Variants in LEPROT observed in about 807,000 individuals in gnomAD.
LEPROT encodes leptin receptor overlapping transcript.
LEPROT carries 3 observed loss-of-function variants against 15.4 expected under a neutral mutation model. The ratio of observed to expected loss-of-function variants is 0.19; its 90% CI spans 0.09 to 0.50. The LOEUF (loss-of-function observed/expected upper bound fraction) is 0.50, where lower values mean the gene tolerates loss of function less well. Among genes scored for constraint, LEPROT ranks in the 20% least tolerant of loss-of-function variants. The probability of loss-of-function intolerance (pLI) is 0.97; values close to 1 mark genes in which losing one functional copy is unlikely to be tolerated. For missense variants in LEPROT, 137 were observed against 162.2 expected (o/e 0.84, Z 0.84); for synonymous variants, 59 against 57.5 (o/e 1.03, Z -0.12).
At position 65,434,977 on chromosome 1, in the gene LEPROT, G is replaced by T; in HGVS notation, c.*3058G>T. ...TTCCTTTTGACACCTGCATTGGGCCGACTGCCATTCCCATGACTGCTGCAC... is the reference window on the plus strand; with the variant it reads ...TTCCTTTTGACACCTGCATTGGGCCTACTGCCATTCCCATGACTGCTGCAC... On this transcript the variant is annotated 3_prime_UTR_variant, in exon 4 of 4. Coordinates refer to ENST00000371065, the MANE Select transcript of LEPROT (RefSeq NM_017526.5). The T allele has an allele frequency of 2.0e-6, 2 of 985,490 alleles. No homozygotes were observed. Among genetic ancestry groups the T allele is most frequent in the Non-Finnish European group, 2.4e-6 (2 of 829,992 alleles). The allele number at this position is 985,490 out of a possible 1,614,324, so 61.0% of individuals were successfully genotyped here. A position where few individuals can be genotyped will look rare whatever the true frequency, so the allele number is the denominator to read the frequency against.
intron 1 of LEPROT, 122 bp from the exon 2 acceptor site, chr1:65,425,181 A>T: frequency 1.3e-6 from 1 of 750,258 alleles, no homozygotes; most frequent in Non-Finnish European, 2.3e-6. Context: ...AATTCCAGAA[A>T]ATTTACTCAT....
rs188130792 is a variant in LEPROT, at chr1:65,435,551, G to A, written c.*3632G>A. Reference sequence around the variant, plus strand: ...CCTGGCTAATTTTTTTGTATTTTTAGTAAAGACGGGTTTCATCGTGTTAGC... The same window carrying A: ...CCTGGCTAATTTTTTTGTATTTTTAATAAAGACGGGTTTCATCGTGTTAGC... On this transcript the variant is annotated 3_prime_UTR_variant, in exon 4 of 4. Coordinates refer to ENST00000371065, the MANE Select transcript of LEPROT (RefSeq NM_017526.5). The A allele has an allele frequency of 5.1e-4, 230 of 454,144 alleles. No individual in the cohort carries two copies. The highest frequency in any genetic ancestry group is 6.2e-4 in the Non-Finnish European group (215 of 344,364). The allele number at this position is 454,144 out of a possible 1,614,324, so 28.1% of individuals were successfully genotyped here. A position where few individuals can be genotyped will look rare whatever the true frequency, so the allele number is the denominator to read the frequency against.
intron 2 of LEPROT, among the ~76,000 whole-genome samples, chr1:65,427,300 G>A (rs751479879): frequency 8.5e-5 from 13 of 152,170 alleles, no homozygotes; most frequent in South Asian, 2.1e-4. Flanking sequence ...GAGCCCGGCC[G>A]TGGTGGCTCA....
At chr1:65,422,139 T>A (rs1296492555) in intron 1 of LEPROT, among the ~76,000 whole-genome samples, 1 of 152,242 alleles carries the variant, frequency 6.6e-6, no homozygotes, top group Non-Finnish European at 1.5e-5. Context: ...GAATGTGATC[T>A]TATTTGGAAG....
chr1:65,435,989 CTTG>C lies in LEPROT; in HGVS notation c.*4073_*4075del, dbSNP rs1472523863. 7.1e-6 allele frequency: 7 copies of C among 983,998 alleles called. No homozygotes were observed. The highest frequency in any genetic ancestry group is 1.7e-5 in the African/African-American group (1 of 57,186). 61.0% of individuals were successfully genotyped at this position (983,998 alleles called of 1,614,324 possible). A position where few individuals can be genotyped will look rare whatever the true frequency, so the allele number is the denominator to read the frequency against. ...GAGGACGATTACTTTGTAAATAAAA[CTTG>C]TTATTGACATTTTAACAAAGGCTTT... On this transcript the variant is annotated 3_prime_UTR_variant, in exon 4 of 4. Coordinates refer to ENST00000371065, the MANE Select transcript of LEPROT (RefSeq NM_017526.5).
intron 1 of LEPROT, 115 bp downstream of exon 1, chr1:65,420,855 C>A: frequency 7.7e-7 from 1 of 1,304,412 alleles, no homozygotes; most frequent in Non-Finnish European, 1.1e-6. Flanking sequence ...CCACCCTTCC[C>A]GCCTCTCCGG....
chr1:65,421,923 G>A (rs74081641), intron 1 of LEPROT, among the ~76,000 whole-genome samples: 16,784 of 152,214 alleles, frequency 0.11, 1,018 homozygotes, highest in Non-Finnish European at 0.14. Context: ...TTTACAGATT[G>A]TTCAACTTTT....
At position 65,432,018 on chromosome 1, in the gene LEPROT, G is replaced by T; in HGVS notation, c.*99G>T. 6.8e-7 allele frequency: 1 copy of T among 1,470,370 alleles called. No individual in the cohort carries two copies. Among genetic ancestry groups the T allele is most frequent in the Non-Finnish European group, 9.0e-7 (1 of 1,114,388 alleles). 91.1% of individuals were successfully genotyped at this position (1,470,370 alleles called of 1,614,324 possible). A position where few individuals can be genotyped will look rare whatever the true frequency, so the allele number is the denominator to read the frequency against. ...TTTACTATGAAATTTAATATGCTGG[G>T]TTTTTTAATACCTTTATATATCATG... On this transcript the variant is annotated 3_prime_UTR_variant, in exon 4 of 4. Coordinates refer to ENST00000371065, the MANE Select transcript of LEPROT (RefSeq NM_017526.5).
chr1:65,429,071 C>A (rs1167454287), intron 2 of LEPROT, among the ~76,000 whole-genome samples: 3 of 152,074 alleles, frequency 2.0e-5, no homozygotes, highest in Non-Finnish European at 2.9e-5. Context: ...GGCGTTTGAT[C>A]AAGACTAATC....
In LEPROT at chr1:65,434,310, T is replaced by C; in HGVS notation, c.*2391T>C. The C allele has an allele frequency of 4.1e-6, 4 of 984,756 alleles. No homozygotes were observed. The highest frequency in any genetic ancestry group is 4.8e-6 in the Non-Finnish European group (4 of 829,288). The allele number at this position is 984,756 out of a possible 1,614,324, so 61.0% of individuals were successfully genotyped here. On this transcript the variant is annotated 3_prime_UTR_variant, in exon 4 of 4. Coordinates refer to ENST00000371065, the MANE Select transcript of LEPROT (RefSeq NM_017526.5). Reference sequence around the variant, plus strand: ...CACAAATGTTGGACATTTTTTTCCTTATAAAAGGCTCTTTTTTTATATATT... The same window carrying C: ...CACAAATGTTGGACATTTTTTTCCTCATAAAAGGCTCTTTTTTTATATATT...
chr1:65,430,667 GA>G (rs1350252680), intron 3 of LEPROT, among the ~76,000 whole-genome samples: 1 of 151,752 alleles, frequency 6.6e-6, no homozygotes, highest in Non-Finnish European at 1.5e-5. Flanking sequence ...TTGAGGCATT[GA>G]ATATCAGATA....
At chr1:65,431,718 G>A in intron 3 of LEPROT, 85 bp from the exon 4 acceptor site, 1 of 1,382,276 alleles carries the variant, frequency 7.2e-7, no homozygotes, top group Non-Finnish European at 9.9e-7. Context: ...TTCATTGGAT[G>A]TTTCTAATGC....
At chr1:65,427,622 G>A (rs776162176) in intron 2 of LEPROT, among the ~76,000 whole-genome samples, 16 of 152,076 alleles carry the variant, frequency 1.1e-4, no homozygotes, top group Non-Finnish European at 7.4e-5. Flanking sequence ...ATGTTCTGAC[G>A]CCCTTGACCA....
At chr1:65,430,506 A>G (rs1020975387) in intron 3 of LEPROT, among the ~76,000 whole-genome samples, 4 of 152,216 alleles carry the variant, frequency 2.6e-5, no homozygotes, top group African/African-American at 9.6e-5. Context: ...ATAAGTTGAC[A>G]TCTTCACTTC....
intron 3 of LEPROT, 155 bp downstream of exon 3, chr1:65,430,203 A>G: frequency 3.6e-6 from 2 of 556,652 alleles, no homozygotes; most frequent in Middle Eastern, 2.9e-4. Flanking sequence ...CCTGCCTAAC[A>G]GTAGTTCGGC....
chr1:65,425,581 A>G (rs964738697), intron 2 of LEPROT, among the ~76,000 whole-genome samples: 11 of 152,180 alleles, frequency 7.2e-5, no homozygotes, highest in Admixed American at 2.6e-4. Flanking sequence ...TTCCATAAGC[A>G]TTTGTTTAAC....
At chr1:65,421,396 T>C (rs972124351) in intron 1 of LEPROT, 4 of 1,535,986 alleles carry the variant, frequency 2.6e-6, no homozygotes, top group Non-Finnish European at 2.6e-6. Flanking sequence ...CCGCGTCCCT[T>C]ATCTGTATGG....
intron 2 of LEPROT, among the ~76,000 whole-genome samples, chr1:65,428,196 A>G (rs535964188): frequency 6.6e-6 from 1 of 152,298 alleles, no homozygotes; most frequent in East Asian, 1.9e-4. Context: ...TATATATTTA[A>G]TATTTACATT....
At chr1:65,426,490 GA>G (rs1177075338) in intron 2 of LEPROT, among the ~76,000 whole-genome samples, 1 of 152,100 alleles carries the variant, frequency 6.6e-6, no homozygotes, top group Non-Finnish European at 1.5e-5. Context: ...GACTAGATAG[GA>G]AAGAGCTGAG....
Sources: allele counts gnomAD v4.1 joint callset (sites outside exome capture counted in the v4.1 genomes callset), GRCh38; gene constraint gnomAD v4.1.1; transcripts MANE v1.5; gene names NCBI Gene and HGNC (gene_info 2026-07-23, HGNC 2026-07-21).